MYO10: variants seen among roughly 807,000 people sequenced by gnomAD.
MYO10 encodes the protein myosin X, also known as unconventional myosin-X.
A neutral mutation model predicts 257.3 loss-of-function variants in MYO10; 133 were observed. The observed-to-expected ratio is 0.52, with a 90% CI of 0.45 to 0.60. The LOEUF is 0.60. Ranked by LOEUF, MYO10 falls within the 20% of genes least tolerant of loss-of-function variation. The probability of loss-of-function intolerance (pLI) is 0.00; values close to 1 mark genes in which losing one functional copy is unlikely to be tolerated. For missense variants in MYO10, 2,399 were observed against 2,635.7 expected, an observed-to-expected ratio of 0.91 and a Z score of 1.97; for synonymous variants, 1,104 against 1,028.6, an observed-to-expected ratio of 1.07 and a Z score of -1.40.
At chr5:16,694,336 A>G in intron 27 of MYO10, 35 bp downstream of exon 27, 1 of 1,612,632 alleles carries the variant, frequency 6.2e-7, no homozygotes, top group Non-Finnish European at 8.5e-7. Context: ...AACCATGAGC[A>G]ACCCATCGGG....
chr5:16,929,347 C>A (rs972064188), intron 1 of MYO10, among the ~76,000 whole-genome samples: 2 of 152,126 alleles, frequency 1.3e-5, no homozygotes, highest in African/African-American at 4.8e-5. Flanking sequence ...AACTCCCATG[C>A]AGTTTTCCAC....
At chr5:16,691,078 G>T (rs999167128) in intron 27 of MYO10, among the ~76,000 whole-genome samples, 3 of 151,116 alleles carry the variant, frequency 2.0e-5, no homozygotes. Context: ...GACCATCCTG[G>T]CTAACACGGT....
chr5:16,748,269 CAG>C (rs1245428394), intron 19 of MYO10, among the ~76,000 whole-genome samples: 1 of 151,898 alleles, frequency 6.6e-6, no homozygotes, highest in Non-Finnish European at 1.5e-5. Flanking sequence ...TTTTCTGAGA[CAG>C]AGTCTCACTC....
At chr5:16,667,022 G>A (rs577113996) in intron 40 of MYO10, among the ~76,000 whole-genome samples, 4 of 152,312 alleles carry the variant, frequency 2.6e-5, no homozygotes, top group South Asian at 2.1e-4. Flanking sequence ...TGGCACAAAC[G>A]TGCCAACTTG....
In MYO10 at chr5:16,733,918, A is replaced by G. The variant is rs910515499; in HGVS notation, c.1929+20910T>C. On this transcript the variant is annotated intron_variant, in intron 19 of 40. Coordinates refer to ENST00000513610, the MANE Select transcript of MYO10 (RefSeq NM_012334.3). The stretch of plus-strand genomic sequence containing the variant: ...CCAGGCTTCTGAGCTGGGTGACTCG[A>G]ACTGCTTAATTGTTAAGTGCCTCCC... 2.6e-4 allele frequency among the ~76,000 whole-genome samples: 39 copies of G among 152,088 alleles called. 1 individual carries two copies. The highest frequency in any genetic ancestry group is 8.8e-5 in the Non-Finnish European group (6 of 68,002).
At chr5:16,842,429 C>T (rs1331984107) in intron 2 of MYO10, among the ~76,000 whole-genome samples, 1 of 152,058 alleles carries the variant, frequency 6.6e-6, no homozygotes, top group African/African-American at 2.4e-5. Flanking sequence ...CAGAGGGAGC[C>T]CAGCTCCACC....
intron 2 of MYO10, among the ~76,000 whole-genome samples, chr5:16,826,710 C>T (rs1580046271): frequency 1.3e-5 from 2 of 152,170 alleles, no homozygotes; most frequent in South Asian, 2.1e-4. Context: ...TCCCTTTGCA[C>T]GAAGTTGGCT....
intron 33 of MYO10, 100 bp from the exon 34 acceptor site, chr5:16,676,254 A>G: frequency 5.0e-6 from 7 of 1,401,556 alleles, no homozygotes; most frequent in Non-Finnish European, 6.8e-6. Flanking sequence ...AGTGGGGCAA[A>G]GATGGTGGAA....
intron 2 of MYO10, among the ~76,000 whole-genome samples, chr5:16,862,150 G>A (rs1160503684): frequency 1.3e-5 from 2 of 152,258 alleles, no homozygotes; most frequent in East Asian, 3.9e-4. Context: ...GGGGACCACG[G>A]GAAGAATGGG....
At chr5:16,760,655 C>T (rs1230817838) in intron 17 of MYO10, among the ~76,000 whole-genome samples, 1 of 152,052 alleles carries the variant, frequency 6.6e-6, no homozygotes, top group Non-Finnish European at 1.5e-5. Flanking sequence ...ATTTTACTAA[C>T]TAGAGACACA....
chr5:16,765,706 A>G (rs906569801), intron 11 of MYO10, among the ~76,000 whole-genome samples: 1 of 152,198 alleles, frequency 6.6e-6, no homozygotes, highest in African/African-American at 2.4e-5. Flanking sequence ...TATTTTTCTT[A>G]TAAGAGTCCT....
chr5:16,712,946 A>C lies in MYO10; in HGVS notation c.1930-1701T>G, dbSNP rs559953087. Among the ~76,000 whole-genome samples, 6 of 152,320 alleles carry C rather than the reference A, an allele frequency of 3.9e-5. No individual in the cohort carries two copies. The South Asian group carries it at 1.2e-3, about 32-fold the overall frequency. ...TCTTATGCCGTATCTCTGGATTTAA[A>C]AATGCGGGTTGGGGGGTGGCTGACT... On this transcript the variant is annotated intron_variant, in intron 19 of 40. Transcript: ENST00000513610.
rs371384622 is a variant in MYO10 at position 16,689,883 on chromosome 5, G to A, written c.3837C>T (p.Ile1279=). 48 of 1,613,390 alleles carry A rather than the reference G, an allele frequency of 3.0e-5. No individual in the cohort carries two copies. The highest frequency in any genetic ancestry group is 8.9e-5 in the East Asian group (4 of 44,878). The change falls in exon 28 of 41, where the codon ATC becomes ATT. Residue 1279 remains isoleucine (I), a synonymous_variant. Transcript: ENST00000513610. The part of the protein sequence containing the change: ...IIDNTTKENG[I]DIIMADRTFH... ...AAGTCCTATCGGCCATAATGATGTC[G>A]ATCCCATTCTCCTTGGTGGTGTTAT...
intron 3 of MYO10, among the ~76,000 whole-genome samples, chr5:16,809,210 T>C (rs1295631060): frequency 6.6e-6 from 1 of 150,952 alleles, no homozygotes; most frequent in African/African-American, 2.4e-5. Context: ...CCTGACTGTG[T>C]TCATCTGCCC....
chr5:16,742,061 C>G, intron 19 of MYO10: 2 of 985,394 alleles, frequency 2.0e-6, no homozygotes, highest in South Asian at 9.4e-5. Flanking sequence ...GCAAACTAAC[C>G]ATCATGCACG....
intron 2 of MYO10, among the ~76,000 whole-genome samples, chr5:16,868,111 A>G (rs1189327798): frequency 6.6e-5 from 10 of 152,272 alleles, no homozygotes; most frequent in Non-Finnish European, 1.3e-4. Context: ...TTCCAGAAAA[A>G]GATAATAAAA....
intron 1 of MYO10, among the ~76,000 whole-genome samples, chr5:16,935,467 TCGCCCCGCCCG>T (rs1746409595): frequency 6.6e-6 from 1 of 151,898 alleles, no homozygotes; most frequent in Admixed American, 6.6e-5. Context: ...AGCGGGCGGA[TCGCCCCGCCCG>T]CGCCCCGGCG....
At chr5:16,871,302 T>C (rs1744450258) in intron 2 of MYO10, among the ~76,000 whole-genome samples, 1 of 152,178 alleles carries the variant, frequency 6.6e-6, no homozygotes, top group Admixed American at 6.5e-5. Flanking sequence ...CTCTAAACTT[T>C]TGACTCTGAC....
rs748248731 is a variant in MYO10 at position 16,699,631 on chromosome 5, G to A, written c.3433-58C>T. Reference sequence around the variant, plus strand: ...AAAAGGCCACAAAGCAAGCCACGAAGATACCCAGCATGTATCATCATTGAA... The same window carrying A: ...AAAAGGCCACAAAGCAAGCCACGAAAATACCCAGCATGTATCATCATTGAA... On this transcript the variant is annotated intron_variant, in intron 25 of 40. Transcript: ENST00000513610. The A allele has an allele frequency of 2.3e-4, 367 of 1,605,256 alleles. 2 individuals are homozygous for A. Among genetic ancestry groups the A allele is most frequent in the South Asian group, 6.9e-4 (63 of 90,916 alleles).
Sources: gnomAD v4.1 joint callset for allele counts (sites outside exome capture counted in the v4.1 genomes callset) on GRCh38, gnomAD v4.1.1 for gene constraint, MANE v1.5 for transcripts, NCBI Gene and HGNC (gene_info 2026-07-23, HGNC 2026-07-21) for gene names.